The following LAMA2 variants were observed in gnomAD, a reference collection of about 807,000 sequenced individuals.
LAMA2 encodes laminin subunit alpha-2.
In LAMA2, 269 loss-of-function variants were observed where a neutral mutation model predicts 364.8. The observed-to-expected ratio is 0.74, with a 90% CI of 0.67 to 0.82. The LOEUF (loss-of-function observed/expected upper bound fraction) is 0.82. Among genes scored for constraint, LAMA2 ranks in the 40% least tolerant of loss-of-function variants. The pLI is 0.00. For missense variants in LAMA2, 3,807 were observed against 3,873.2 expected (o/e 0.98, Z 0.45); for synonymous variants, 1,379 against 1,370.6 (o/e 1.01, Z -0.14).
At chr6:129,352,088 TCTAA>T (rs1302088325) in intron 31 of LAMA2, among the ~76,000 whole-genome samples, 3 of 152,178 alleles carry the variant, frequency 2.0e-5, no homozygotes, top group East Asian at 1.9e-4. Context: ...GAACAAAAAT[TCTAA>T]CTGTTTGTTA....
intron 44 of LAMA2, 107 bp from the exon 45 acceptor site, chr6:129,445,560 G>A: frequency 2.1e-6 from 2 of 956,666 alleles, no homozygotes; most frequent in Non-Finnish European, 1.7e-6. Context: ...GCCATGCTTT[G>A]TCACATTAAT....
intron 14 of LAMA2, among the ~76,000 whole-genome samples, chr6:129,259,400 G>A (rs265401): frequency 0.43 from 64,987 of 151,864 alleles, 17,303 homozygotes; most frequent in East Asian, 0.75. Context: ...AGGCCATAGC[G>A]AGAATCAGTT....
intron 28 of LAMA2, among the ~76,000 whole-genome samples, chr6:129,325,684 A>G (rs1775235633): frequency 6.6e-6 from 1 of 152,198 alleles, no homozygotes; most frequent in Non-Finnish European, 1.5e-5. Context: ...ACTGAAAGAC[A>G]CTTTAGAAGT....
At chr6:128,911,418 C>A (rs1777938892) in intron 1 of LAMA2, among the ~76,000 whole-genome samples, 1 of 152,174 alleles carries the variant, frequency 6.6e-6, no homozygotes, top group African/African-American at 2.4e-5. Context: ...CGCCCATCAC[C>A]CCTTTCTTTG....
At chr6:129,173,640 A>ACATATTATT (rs1780370494) in intron 9 of LAMA2, among the ~76,000 whole-genome samples, 1 of 152,222 alleles carries the variant, frequency 6.6e-6, no homozygotes. Context: ...GTAATTAGAT[A>ACATATTATT]CATATTATTT....
intron 22 of LAMA2, among the ~76,000 whole-genome samples, chr6:129,306,969 G>A (rs1254050103): frequency 6.6e-6 from 1 of 151,840 alleles, no homozygotes; most frequent in Non-Finnish European, 1.5e-5. Flanking sequence ...CTGTTTCTGA[G>A]TCATATTTTC....
intron 3 of LAMA2, among the ~76,000 whole-genome samples, chr6:129,078,961 T>C (rs1448590607): frequency 6.6e-6 from 1 of 152,230 alleles, no homozygotes; most frequent in Non-Finnish European, 1.5e-5. Context: ...CGTTGTAGCA[T>C]ATATCAGAGT....
At chr6:129,199,971 C>T (rs927928239) in intron 12 of LAMA2, among the ~76,000 whole-genome samples, 13 of 151,686 alleles carry the variant, frequency 8.6e-5, no homozygotes, top group Non-Finnish European at 1.3e-4. Flanking sequence ...CCCAGCTACT[C>T]GGGAGGCTGA....
chr6:129,020,478 T>C (rs1000726818), intron 1 of LAMA2, among the ~76,000 whole-genome samples: 4 of 152,078 alleles, frequency 2.6e-5, no homozygotes, highest in South Asian at 4.2e-4. Flanking sequence ...CATCTGGAGA[T>C]ACGGAAGGAA....
At chr6:129,405,908 G>T (rs1486891567) in intron 40 of LAMA2, among the ~76,000 whole-genome samples, 1 of 152,036 alleles carries the variant, frequency 6.6e-6, no homozygotes, top group Non-Finnish European at 1.5e-5. Context: ...ATACAGAAGA[G>T]TCCTCTACTC....
rs2114654201 is a variant in LAMA2, at chr6:129,383,250, C to T, written c.5071+17C>T. The T allele has an allele frequency of 6.5e-7, 1 of 1,546,428 alleles. No individual in the cohort carries two copies. The highest frequency in any genetic ancestry group is 1.1e-5 in the South Asian group (1 of 88,268). On this transcript the variant is annotated intron_variant, in intron 35 of 64. Transcript: ENST00000421865. ...ATGCAGAAGGTATTAGAAAGAATCA[C>T]ATTTTAATCATCATTTCTCCCAACA...
intron 8 of LAMA2, chr6:129,158,534 A>G (rs1779260608): frequency 1.2e-6 from 2 of 1,614,122 alleles, no homozygotes; most frequent in Admixed American, 1.7e-5. Flanking sequence ...TAAATGCTTC[A>G]TCCTGTTCCA....
At chr6:129,223,010 T>G (rs1396164303) in intron 12 of LAMA2, among the ~76,000 whole-genome samples, 3 of 152,178 alleles carry the variant, frequency 2.0e-5, no homozygotes, top group Admixed American at 6.5e-5. Context: ...ACCTGTTGTT[T>G]CCAGACTTTT....
chr6:129,317,414 A>G (rs145830511), intron 27 of LAMA2, among the ~76,000 whole-genome samples: 1 of 152,344 alleles, frequency 6.6e-6, no homozygotes, highest in Non-Finnish European at 1.5e-5. Context: ...TTATACTGGA[A>G]TAAGCACACA....
chr6:129,393,027 G>C lies in LAMA2; in HGVS notation c.5235-18G>C. ...GACATGAGCTCATTGTCTATTATTGGGCTGGGGGTGGTTACAGAGCTGCAG... is the reference window on the plus strand; with the variant it reads ...GACATGAGCTCATTGTCTATTATTGCGCTGGGGGTGGTTACAGAGCTGCAG... On this transcript the variant is annotated intron_variant, in intron 36 of 64. Coordinates refer to ENST00000421865, the MANE Select transcript of LAMA2 (RefSeq NM_000426.4). The C allele has an allele frequency of 6.2e-7, 1 of 1,606,088 alleles. No homozygotes were observed. The highest frequency in any genetic ancestry group is 2.2e-5 in the East Asian group (1 of 44,836).
At chr6:128,910,418 G>T (rs1242759246) in intron 1 of LAMA2, among the ~76,000 whole-genome samples, 2 of 152,056 alleles carry the variant, frequency 1.3e-5, no homozygotes, top group Non-Finnish European at 2.9e-5. Context: ...CTTTCTTCCA[G>T]TTGATCGCAT....
intron 14 of LAMA2, among the ~76,000 whole-genome samples, chr6:129,253,084 C>G (rs746462305): frequency 2.0e-5 from 3 of 150,504 alleles, no homozygotes; most frequent in Non-Finnish European, 4.4e-5. Context: ...CAAATATGCT[C>G]GGGTCTGATT....
Position 129,059,680 on chromosome 6 carries a change from C to T in LAMA2, c.284-104C>T, listed in dbSNP as rs1278524995. On this transcript the variant is annotated intron_variant, in intron 2 of 64. Coordinates refer to ENST00000421865, the MANE Select transcript of LAMA2 (RefSeq NM_000426.4). Reference sequence around the variant, plus strand: ...GTATTATTTTAATGTTTGATATTCACATGATGGTTGTTTTAACCATTTTTT... The same window carrying T: ...GTATTATTTTAATGTTTGATATTCATATGATGGTTGTTTTAACCATTTTTT... 4 of 720,740 alleles carry T rather than the reference C, an allele frequency of 5.5e-6. No homozygotes were observed. In the East Asian group the frequency reaches 1.1e-4, roughly 20 times the overall value. 44.6% of individuals were successfully genotyped at this position (720,740 alleles called of 1,614,324 possible).
At chr6:129,380,588 G>A (rs9483024) in intron 34 of LAMA2, among the ~76,000 whole-genome samples, 3,438 of 152,194 alleles carry the variant, frequency 0.023, 130 homozygotes, top group African/African-American at 0.079. Context: ...GAATGGCCAC[G>A]CTAAGGAGAA....
Sources: allele counts gnomAD v4.1 joint callset (sites outside exome capture counted in the v4.1 genomes callset), GRCh38; gene constraint gnomAD v4.1.1; transcripts MANE v1.5; gene names NCBI Gene and HGNC (gene_info 2026-07-23, HGNC 2026-07-21).